The following CPNE4 variants were observed in gnomAD, a reference collection of about 807,000 sequenced individuals.
The protein encoded by CPNE4 is copine-4.
CPNE4 carries 25 observed loss-of-function variants against 67.9 expected under a neutral mutation model. The observed-to-expected ratio is 0.37, with a 90% CI of 0.27 to 0.51. CPNE4 has a LOEUF of 0.51. Among genes scored for constraint, CPNE4 ranks in the 20% least tolerant of loss-of-function variants. The pLI, the probability that CPNE4 is intolerant of heterozygous loss-of-function variation, is 0.93. For synonymous variants in CPNE4, 242 were observed against 244.9 expected (o/e 0.99, Z 0.11); for missense variants, 464 against 690.8 (o/e 0.67, Z 3.68).
At chr3:131,609,580 T>A (rs1164128713) in intron 7 of CPNE4, among the ~76,000 whole-genome samples, 1 of 152,152 alleles carries the variant, frequency 6.6e-6, no homozygotes, top group East Asian at 1.9e-4. Flanking sequence ...TGATTAGATT[T>A]TTTTGACTAA....
At chr3:131,876,102 G>A (rs1027269697) in intron 2 of CPNE4, among the ~76,000 whole-genome samples, 6 of 152,038 alleles carry the variant, frequency 3.9e-5, no homozygotes, top group Non-Finnish European at 5.9e-5. Flanking sequence ...GGTCAGGTGT[G>A]GTGGCACACG....
intron 7 of CPNE4, among the ~76,000 whole-genome samples, chr3:131,662,432 C>G (rs992932991): frequency 6.6e-6 from 1 of 152,276 alleles, no homozygotes; most frequent in East Asian, 1.9e-4. Context: ...TACACATACA[C>G]ATATACATAT....
chr3:131,619,659 A>T (rs994316573), intron 7 of CPNE4, among the ~76,000 whole-genome samples: 2 of 152,130 alleles, frequency 1.3e-5, no homozygotes, highest in East Asian at 1.9e-4. Flanking sequence ...GTCCTATTTC[A>T]TCATGTCAGT....
intron 2 of CPNE4, among the ~76,000 whole-genome samples, chr3:131,767,712 G>A (rs2083058653): frequency 6.6e-6 from 1 of 152,032 alleles, no homozygotes; most frequent in African/African-American, 2.4e-5. Flanking sequence ...ATAACTTTGA[G>A]CCAGAAAGAT....
chr3:131,662,567 A>T (rs1393538825), intron 7 of CPNE4, among the ~76,000 whole-genome samples: 1 of 152,212 alleles, frequency 6.6e-6, no homozygotes, highest in Non-Finnish European at 1.5e-5. Context: ...CAATCTATCC[A>T]TTTGACAAAG....
At chr3:131,804,945 A>G (rs2084257592) in intron 2 of CPNE4, among the ~76,000 whole-genome samples, 1 of 152,248 alleles carries the variant, frequency 6.6e-6, no homozygotes, top group Admixed American at 6.5e-5. Context: ...CTCACATAAT[A>G]GTGAGTTAAA....
At position 131,568,501 on chromosome 3, in the gene CPNE4, A is replaced by G. The variant is rs376190427; in HGVS notation, c.928-4152T>C. 1.1e-4 allele frequency among the ~76,000 whole-genome samples: 16 copies of G among 152,142 alleles called. 1 individual carries two copies. The highest frequency in any genetic ancestry group is 3.9e-4 in the African/African-American group (16 of 41,544). On this transcript the variant is annotated intron_variant, in intron 10 of 15. Transcript: ENST00000429747. ...GAGCTCGCAGAGCCACCACGTTTTC[A>G]TTTCCTGATAGGAAGCATTTATGGA...
intron 2 of CPNE4, among the ~76,000 whole-genome samples, chr3:131,896,173 C>T (rs951634345): frequency 7.2e-5 from 11 of 152,108 alleles, no homozygotes; most frequent in Admixed American, 7.2e-4. Flanking sequence ...GTTCAACCAA[C>T]TGTGGTAGAT....
chr3:131,761,248 C>T (rs1177734983), intron 2 of CPNE4, among the ~76,000 whole-genome samples: 1 of 140,246 alleles, frequency 7.1e-6, no homozygotes, highest in Non-Finnish European at 1.5e-5. Context: ...AAGGGTCTGG[C>T]TCTGTCCCCT....
At chr3:131,726,433 G>C (rs1248650156) in intron 2 of CPNE4, among the ~76,000 whole-genome samples, 3 of 152,098 alleles carry the variant, frequency 2.0e-5, no homozygotes, top group Admixed American at 1.3e-4. Context: ...AGGATAATCA[G>C]AAAGCCACTA....
intron 2 of CPNE4, among the ~76,000 whole-genome samples, chr3:131,798,853 A>G (rs545754440): frequency 1.2e-4 from 19 of 152,274 alleles, no homozygotes; most frequent in African/African-American, 4.6e-4. Flanking sequence ...CCATAACTCA[A>G]ATTTCACCAA....
chr3:131,890,016 A>G (rs192442289), intron 2 of CPNE4, among the ~76,000 whole-genome samples: 2 of 152,312 alleles, frequency 1.3e-5, no homozygotes, highest in African/African-American at 2.4e-5. Flanking sequence ...AAAATTATCA[A>G]AATTGATTTG....
intron 2 of CPNE4, among the ~76,000 whole-genome samples, chr3:131,781,165 G>T (rs1321168363): frequency 6.6e-6 from 1 of 152,040 alleles, no homozygotes. Flanking sequence ...ATAAAATTGG[G>T]TCTAACTTTG....
At chr3:131,759,748 G>A (rs1320237658) in intron 2 of CPNE4, among the ~76,000 whole-genome samples, 1 of 152,140 alleles carries the variant, frequency 6.6e-6, no homozygotes, top group Non-Finnish European at 1.5e-5. Context: ...AAAGTTTATA[G>A]GTTCTTTAAA....
rs142975404 is a variant in CPNE4 at position 131,671,352 on chromosome 3, G to C, written c.592-1588C>G. Among the ~76,000 whole-genome samples, 194 of 152,216 alleles carry C rather than the reference G, an allele frequency of 1.3e-3. 8 individuals are homozygous for C. In the South Asian group the frequency reaches 0.03, roughly 24 times the overall value. ...AAATTTCCCAACTTTATATGAAAAT[G>C]CTAAAAAGTGAAGAAGTCTCATGCA... On this transcript the variant is annotated intron_variant, in intron 6 of 15. Coordinates refer to ENST00000429747, the MANE Select transcript of CPNE4 (RefSeq NM_130808.3).
chr3:131,734,502 G>C (rs1287801728), intron 2 of CPNE4, among the ~76,000 whole-genome samples: 4 of 152,150 alleles, frequency 2.6e-5, no homozygotes, highest in Non-Finnish European at 5.9e-5. Flanking sequence ...AGGAGTAGGA[G>C]TATCTCCTGT....
At chr3:131,557,616 C>G (rs978118720) in intron 11 of CPNE4, among the ~76,000 whole-genome samples, 2 of 152,060 alleles carry the variant, frequency 1.3e-5, no homozygotes, top group Non-Finnish European at 2.9e-5. Context: ...TTGGGTCAAT[C>G]CAGGCTTTGT....
At chr3:131,802,272 A>G (rs1196178237) in intron 2 of CPNE4, among the ~76,000 whole-genome samples, 1 of 152,150 alleles carries the variant, frequency 6.6e-6, no homozygotes, top group African/African-American at 2.4e-5. Flanking sequence ...CTGCGGTTAT[A>G]CTAGTAGAGC....
chr3:131,826,686 T>A (rs2085172940), intron 2 of CPNE4, among the ~76,000 whole-genome samples: 1 of 152,132 alleles, frequency 6.6e-6, no homozygotes, highest in Admixed American at 6.5e-5. Context: ...AGGAACAAAT[T>A]TGAATTACCC....
Sources: allele counts gnomAD v4.1 joint callset (sites outside exome capture counted in the v4.1 genomes callset), GRCh38; gene constraint gnomAD v4.1.1; transcripts MANE v1.5; gene names NCBI Gene and HGNC (gene_info 2026-07-23, HGNC 2026-07-21).